Variants in WRN observed in about 807,000 individuals in gnomAD.
The protein encoded by WRN is bifunctional 3'-5' exonuclease/ATP-dependent helicase WRN.
A neutral mutation model predicts 180.7 loss-of-function variants in WRN; 149 were observed. That is an observed-to-expected ratio of 0.82 (90% CI 0.72 to 0.94). The LOEUF (loss-of-function observed/expected upper bound fraction) is 0.94. Ranked by LOEUF, WRN falls within the 40% of genes least tolerant of loss-of-function variation. WRN has a pLI of 0.00. For missense variants in WRN, 1,661 were observed against 1,700.1 expected, an observed-to-expected ratio of 0.98 and a Z score of 0.40; for synonymous variants, 548 against 568.9, an observed-to-expected ratio of 0.96 and a Z score of 0.52.
chr8:31,160,204 G>A (rs1027232744), intron 33 of WRN, among the ~76,000 whole-genome samples: 1 of 152,128 alleles, frequency 6.6e-6, no homozygotes, highest in Non-Finnish European at 1.5e-5. Flanking sequence ...ATAACTTCCC[G>A]TGCAGATCTG....
Position 31,044,535 on chromosome 8 carries a change from T to G in WRN, c.-77+10562T>G, listed in dbSNP as rs867776993. On this transcript the variant is annotated intron_variant, in intron 1 of 34. Coordinates refer to ENST00000298139, the MANE Select transcript of WRN (RefSeq NM_000553.6). ...CCATGCTCTGCTAATTTTTGTATTT[T>G]TATTAGAGATGGGGTTTTACCATGG... Among the ~76,000 whole-genome samples, 14 of 151,920 alleles carry G rather than the reference T, an allele frequency of 9.2e-5. No homozygotes were observed. In the South Asian group the frequency reaches 1.5e-3, roughly 16 times the overall value.
chr8:31,068,135 T>G (rs973779717), intron 6 of WRN, 123 bp from the exon 7 acceptor site: 4 of 698,004 alleles, frequency 5.7e-6, no homozygotes, highest in Non-Finnish European at 7.6e-6. Flanking sequence ...TGTCACATAA[T>G]AGGTTGAATT....
At position 31,074,063 on chromosome 8, in the gene WRN, C is replaced by T. The variant is rs568451776; in HGVS notation, c.725-2110C>T. 2.0e-5 allele frequency among the ~76,000 whole-genome samples: 3 copies of T among 151,880 alleles called. No individual in the cohort carries two copies. In the East Asian group the frequency reaches 5.8e-4, roughly 29 times the overall value. ...TCCGGAGTAGCTGGGACTACGGGTG[C>T]CCGCCACCATGCCCGGCTAATTTTT... On this transcript the variant is annotated intron_variant, in intron 7 of 34. Coordinates refer to ENST00000298139, the MANE Select transcript of WRN (RefSeq NM_000553.6).
intron 19 of WRN, among the ~76,000 whole-genome samples, chr8:31,114,505 A>G (rs1337112749): frequency 2.6e-5 from 4 of 152,152 alleles, no homozygotes; most frequent in East Asian, 1.9e-4. Context: ...AAATTTTTAC[A>G]TATTTTCCAC....
intron 16 of WRN, 43 bp downstream of exon 16, chr8:31,091,941 G>A (rs1448526081): frequency 2.5e-6 from 4 of 1,571,942 alleles, no homozygotes; most frequent in African/African-American, 1.4e-5. Context: ...GGATTTATGG[G>A]GGTGCATATG....
Position 31,042,451 on chromosome 8 carries a change from C to A in WRN, c.-77+8478C>A, listed in dbSNP as rs934414086. 1.6e-4 allele frequency among the ~76,000 whole-genome samples: 25 copies of A among 152,150 alleles called. 1 individual carries two copies. The highest frequency in any genetic ancestry group is 2.9e-5 in the Non-Finnish European group (2 of 68,022). ...CATCAATTTGATTTATATCTAACAC[C>A]ACAAAGTTAGGTGTTGAGTTACATG... is the stretch of plus-strand genomic sequence containing the variant. On this transcript the variant is annotated intron_variant, in intron 1 of 34. Coordinates refer to ENST00000298139, the MANE Select transcript of WRN (RefSeq NM_000553.6).
intron 1 of WRN, among the ~76,000 whole-genome samples, chr8:31,037,888 T>G (rs1015507298): frequency 2.0e-5 from 3 of 152,222 alleles, no homozygotes; most frequent in African/African-American, 7.2e-5. Context: ...GATAATGTTT[T>G]CAAGGTTCAC....
chr8:31,127,762 T>A (rs1250932408), intron 23 of WRN, among the ~76,000 whole-genome samples: 2 of 151,418 alleles, frequency 1.3e-5, no homozygotes, highest in East Asian at 3.9e-4. Context: ...AAATAAAAAA[T>A]AAATAAAAAA....
intron 24 of WRN, among the ~76,000 whole-genome samples, chr8:31,134,472 A>G (rs188557642): frequency 2.6e-5 from 4 of 152,308 alleles, no homozygotes; most frequent in Admixed American, 2.6e-4. Context: ...GAAGCTGCAA[A>G]TTTGATTAGA....
intron 18 of WRN, among the ~76,000 whole-genome samples, chr8:31,105,195 G>A (rs1238518296): frequency 2.6e-5 from 4 of 152,160 alleles, no homozygotes; most frequent in African/African-American, 7.2e-5. Flanking sequence ...TGATGTGGCT[G>A]GCCTTGGGTC....
chr8:31,157,545 C>G lies in WRN; in HGVS notation c.3982+15C>G. ...CGTCAACTCAGGTGAGAGGCATGGC[C>G]TAGCTCTGCACCCTTAATGACTTGA... On this transcript the variant is annotated intron_variant, in intron 33 of 34. Transcript: ENST00000298139. 2 of 1,613,828 alleles carry G rather than the reference C, an allele frequency of 1.2e-6. No homozygotes were observed. The highest frequency in any genetic ancestry group is 1.7e-6 in the Non-Finnish European group (2 of 1,179,906).
intron 7 of WRN, 48 bp downstream of exon 7, chr8:31,068,375 T>A: frequency 6.8e-7 from 1 of 1,472,650 alleles, no homozygotes; most frequent in South Asian, 1.2e-5. Flanking sequence ...TTTTGTGAGG[T>A]TTATCTCCAA....
Position 31,143,024 on chromosome 8 carries a change from G to GACACACAC in WRN, c.3309+347_3309+354dup, listed in dbSNP as rs10529735. Among the ~76,000 whole-genome samples, 466 of 136,606 alleles carry GACACACAC rather than the reference G, an allele frequency of 3.4e-3. 1 individual carries two copies. The highest frequency in any genetic ancestry group is 7.2e-3 in the Middle Eastern group (2 of 278). The allele number at this position is 136,606 out of a possible 152,430, so 89.6% of individuals were successfully genotyped here. On this transcript the variant is annotated intron_variant, in intron 27 of 34. Transcript: ENST00000298139. The stretch of plus-strand genomic sequence containing the variant: ...TTGATTCCTAAGTGTTCTTATTAAA[G>GACACACAC]ACACACACACACACACACACACACA...
intron 7 of WRN, among the ~76,000 whole-genome samples, chr8:31,075,539 T>A (rs1813063337): frequency 6.6e-6 from 1 of 151,126 alleles, no homozygotes. Flanking sequence ...TGCGAAACAC[T>A]GTCTCTACTA....
intron 18 of WRN, 58 bp downstream of exon 18, chr8:31,101,013 G>A: frequency 7.1e-7 from 1 of 1,415,522 alleles, no homozygotes; most frequent in African/African-American, 1.4e-5. Flanking sequence ...AGAGCATTCA[G>A]GATTGGGGAG....
intron 32 of WRN, among the ~76,000 whole-genome samples, chr8:31,155,616 G>A (rs1285753926): frequency 7.4e-6 from 1 of 135,638 alleles, no homozygotes; most frequent in African/African-American, 2.8e-5. Flanking sequence ...AGCAAGACTC[G>A]GTCTCCAAAA....
At chr8:31,037,804 G>T (rs1811505711) in intron 1 of WRN, among the ~76,000 whole-genome samples, 1 of 152,160 alleles carries the variant, frequency 6.6e-6, no homozygotes, top group Non-Finnish European at 1.5e-5. Flanking sequence ...ATATTTTGAA[G>T]TCAGGTAGTG....
intron 16 of WRN, among the ~76,000 whole-genome samples, chr8:31,094,803 C>G (rs1420489321): frequency 2.0e-5 from 3 of 152,090 alleles, no homozygotes; most frequent in Non-Finnish European, 4.4e-5. Context: ...TTCATTCGGT[C>G]TTTTTTTATG....
chr8:31,069,739 G>C (rs1387816995), intron 7 of WRN, among the ~76,000 whole-genome samples: 1 of 152,178 alleles, frequency 6.6e-6, no homozygotes, highest in Non-Finnish European at 1.5e-5. Flanking sequence ...ATGACTGTAT[G>C]TTAATTAACT....
Sources: allele counts gnomAD v4.1 joint callset (sites outside exome capture counted in the v4.1 genomes callset), GRCh38; gene constraint gnomAD v4.1.1; transcripts MANE v1.5; gene names NCBI Gene and HGNC (gene_info 2026-07-23, HGNC 2026-07-21).